Variants in PDGFC observed in about 807,000 individuals in gnomAD.
The protein encoded by PDGFC is platelet derived growth factor C.
Under a neutral mutation model 35.5 loss-of-function variants are expected in PDGFC, and 12 were observed. The ratio of observed to expected loss-of-function variants is 0.34; its 90% confidence interval spans 0.22 to 0.55. The LOEUF (loss-of-function observed/expected upper bound fraction) is 0.55, where lower values mean the gene tolerates loss of function less well. Ranked by LOEUF, PDGFC falls within the 20% of genes least tolerant of loss-of-function variation. The pLI is 0.91. For synonymous variants in PDGFC, 159 were observed against 148.8 expected (o/e 1.07, Z -0.50); for missense variants, 322 against 412.4 (o/e 0.78, Z 1.90).
intron 1 of PDGFC, among the ~76,000 whole-genome samples, chr4:156,916,437 T>C (rs966711554): frequency 3.9e-5 from 6 of 152,210 alleles, no homozygotes; most frequent in Non-Finnish European, 8.8e-5. Flanking sequence ...TAAGGTACTA[T>C]TGCTTTCCAC....
intron 1 of PDGFC, among the ~76,000 whole-genome samples, chr4:156,885,558 T>C (rs1468221197): frequency 6.6e-6 from 1 of 152,206 alleles, no homozygotes; most frequent in Non-Finnish European, 1.5e-5. Context: ...GAGTATGCTT[T>C]TTTTTTGTCA....
At chr4:156,916,799 A>T (rs990325318) in intron 1 of PDGFC, among the ~76,000 whole-genome samples, 4 of 152,200 alleles carry the variant, frequency 2.6e-5, no homozygotes, top group African/African-American at 9.6e-5. Context: ...CTGGAAACAA[A>T]GTGGTTTTCT....
chr4:156,945,913 C>A (rs915575534), intron 1 of PDGFC, among the ~76,000 whole-genome samples: 1 of 152,034 alleles, frequency 6.6e-6, no homozygotes, highest in East Asian at 1.9e-4. Context: ...AGGAGCTGAT[C>A]GCGTCTGATC....
rs376863831 is a variant in PDGFC, at chr4:156,872,361, A to G, written c.119-21945T>C. On this transcript the variant is annotated intron_variant, in intron 1 of 5. Transcript: ENST00000502773. Reference sequence around the variant, plus strand: ...TCAAATCTAAAAAAAAGTGATTAAGAATTTACTTTTTCTAGCACATACATT... The same window carrying G: ...TCAAATCTAAAAAAAAGTGATTAAGGATTTACTTTTTCTAGCACATACATT... 1.9e-4 allele frequency among the ~76,000 whole-genome samples: 29 copies of G among 152,296 alleles called. 1 individual carries two copies. The East Asian group carries it at 1.9e-3, about 10-fold the overall frequency.
chr4:156,833,375 T>C (rs1728990245), intron 2 of PDGFC, among the ~76,000 whole-genome samples: 1 of 152,238 alleles, frequency 6.6e-6, no homozygotes, highest in Non-Finnish European at 1.5e-5. Context: ...AATGTTCACA[T>C]AATCTAACTG....
At chr4:156,764,574 C>T (rs181459054) in intron 5 of PDGFC, among the ~76,000 whole-genome samples, 1 of 152,262 alleles carries the variant, frequency 6.6e-6, no homozygotes. Context: ...TAGTAACTTT[C>T]TTCCTGAAGA....
chr4:156,844,344 G>A (rs867076554), intron 2 of PDGFC, among the ~76,000 whole-genome samples: 8 of 152,070 alleles, frequency 5.3e-5, no homozygotes, highest in South Asian at 2.1e-4. Context: ...GTCTAAATTA[G>A]TAGAAAAGAA....
chr4:156,850,383 G>C lies in PDGFC; in HGVS notation c.152C>G (p.Thr51Ser). 1 of 1,599,484 alleles carries C rather than the reference G, an allele frequency of 6.3e-7. No individual in the cohort carries two copies. Among genetic ancestry groups the C allele is most frequent in the Non-Finnish European group, 8.5e-7 (1 of 1,172,166 alleles). ...VQDPQHERII[T>S]VSTNGSIHSP... The stretch of plus-strand genomic sequence containing the variant: ...GTGAATACTTCCATTAGTAGACACA[G>C]TAATAATTCTCTCATGCTGAGGATC... The change falls in exon 2 of 6, where the codon ACT becomes AGT. Residue 51 changes from threonine to serine, a missense_variant. Physicochemically the swap from Thr to Ser is moderately conservative, Grantham distance 58. Coordinates refer to ENST00000502773, the MANE Select transcript of PDGFC (RefSeq NM_016205.3).
chr4:156,903,345 C>T (rs921748277), intron 1 of PDGFC, among the ~76,000 whole-genome samples: 9 of 151,848 alleles, frequency 5.9e-5, no homozygotes, highest in African/African-American at 2.2e-4. Flanking sequence ...AGTGGGAAAA[C>T]ATGCACTTAA....
chr4:156,802,886 T>G (rs1014895178), intron 3 of PDGFC, among the ~76,000 whole-genome samples: 1 of 152,196 alleles, frequency 6.6e-6, no homozygotes, highest in Non-Finnish European at 1.5e-5. Context: ...TTAGAGCATT[T>G]TAAGTTATGC....
intron 5 of PDGFC, among the ~76,000 whole-genome samples, chr4:156,766,352 T>G (rs1474871243): frequency 6.6e-6 from 1 of 152,116 alleles, no homozygotes; most frequent in Non-Finnish European, 1.5e-5. Flanking sequence ...AATATATTTA[T>G]TTGGCTAAAA....
chr4:156,865,142 A>G (rs1560847298), intron 1 of PDGFC, among the ~76,000 whole-genome samples: 1 of 151,946 alleles, frequency 6.6e-6, no homozygotes, highest in Non-Finnish European at 1.5e-5. Flanking sequence ...TCATGAAGCA[A>G]AACAATGGAT....
intron 1 of PDGFC, among the ~76,000 whole-genome samples, chr4:156,923,366 T>C (rs1731333596): frequency 1.3e-5 from 2 of 152,288 alleles, no homozygotes; most frequent in African/African-American, 4.8e-5. Flanking sequence ...TTAAGAGAAA[T>C]AGCTTAAGAG....
intron 1 of PDGFC, among the ~76,000 whole-genome samples, chr4:156,854,368 T>G (rs1319862981): frequency 2.0e-5 from 3 of 152,174 alleles, no homozygotes; most frequent in Non-Finnish European, 4.4e-5. Context: ...TATATATACT[T>G]AAGTTTGTGT....
intron 1 of PDGFC, among the ~76,000 whole-genome samples, chr4:156,959,810 AC>A (rs1005940697): frequency 1.3e-5 from 2 of 151,992 alleles, no homozygotes; most frequent in Non-Finnish European, 2.9e-5. Context: ...TAAAATCCAG[AC>A]ACCCTAATTG....
At chr4:156,866,003 C>G (rs1344029242) in intron 1 of PDGFC, among the ~76,000 whole-genome samples, 1 of 151,954 alleles carries the variant, frequency 6.6e-6, no homozygotes, top group Non-Finnish European at 1.5e-5. Flanking sequence ...ATGTGCACAA[C>G]GTGCAGGTTT....
At chr4:156,824,732 T>A (rs901495968) in intron 2 of PDGFC, among the ~76,000 whole-genome samples, 7 of 152,130 alleles carry the variant, frequency 4.6e-5, no homozygotes, top group African/African-American at 1.7e-4. Flanking sequence ...GATTTAGGCA[T>A]CTAATACATC....
chr4:156,869,520 T>C (rs904366639), intron 1 of PDGFC, among the ~76,000 whole-genome samples: 3 of 152,176 alleles, frequency 2.0e-5, no homozygotes, highest in Non-Finnish European at 4.4e-5. Flanking sequence ...ATGGATTATT[T>C]AGCTTTCTCA....
intron 1 of PDGFC, among the ~76,000 whole-genome samples, chr4:156,885,120 G>T (rs970114433): frequency 1.3e-5 from 2 of 151,164 alleles, no homozygotes; most frequent in South Asian, 4.2e-4. Flanking sequence ...ATAGAATATG[G>T]GGAGAAAAAT....
Sources: gnomAD v4.1 joint callset for allele counts (sites outside exome capture counted in the v4.1 genomes callset) on GRCh38, gnomAD v4.1.1 for gene constraint, MANE v1.5 for transcripts, NCBI Gene and HGNC (gene_info 2026-07-23, HGNC 2026-07-21) for gene names.